RABGAP1L: variants seen among roughly 807,000 people sequenced by gnomAD.
RABGAP1L encodes the protein rab GTPase-activating protein 1-like.
Under a neutral mutation model 137.7 loss-of-function variants are expected in RABGAP1L, and 63 were observed. The ratio of observed to expected loss-of-function variants is 0.46; its 90% CI spans 0.37 to 0.56. The LOEUF (loss-of-function observed/expected upper bound fraction) is 0.56, where lower values mean the gene tolerates loss of function less well. RABGAP1L is among the 20% of genes least tolerant of loss of function. The probability of loss-of-function intolerance (pLI) is 0.00; values close to 1 mark genes in which losing one functional copy is unlikely to be tolerated. For synonymous variants in RABGAP1L, 431 were observed against 433.7 expected (o/e 0.99, Z 0.08); for missense variants, 1,095 against 1,244.0 (o/e 0.88, Z 1.80).
chr1:174,725,753 A>C (rs1681927569), intron 17 of RABGAP1L, among the ~76,000 whole-genome samples: 1 of 152,012 alleles, frequency 6.6e-6, no homozygotes, highest in Non-Finnish European at 1.5e-5. Context: ...GTTTTTATTT[A>C]GCATGCCTCT....
At chr1:174,256,565 G>A (rs547761966) in intron 7 of RABGAP1L, among the ~76,000 whole-genome samples, 2 of 152,164 alleles carry the variant, frequency 1.3e-5, no homozygotes, top group East Asian at 3.9e-4. Flanking sequence ...GGCAGATCAC[G>A]AGGTCAAGAG....
chr1:174,233,232 G>A (rs1489877069), intron 4 of RABGAP1L, among the ~76,000 whole-genome samples: 1 of 151,594 alleles, frequency 6.6e-6, no homozygotes, highest in South Asian at 2.1e-4. Flanking sequence ...AGATTTGTGT[G>A]TATGTGTGTA....
intron 17 of RABGAP1L, among the ~76,000 whole-genome samples, chr1:174,725,081 G>A (rs1572937569): frequency 6.6e-6 from 1 of 152,164 alleles, no homozygotes; most frequent in Non-Finnish European, 1.5e-5. Flanking sequence ...GCAGGAAAAA[G>A]CCATTGAAGA....
At position 174,811,918 on chromosome 1, in the gene RABGAP1L, G is replaced by A. The variant is rs1335988419; in HGVS notation, c.2298G>A (p.Glu766=). 3.1e-6 allele frequency: 5 copies of A among 1,607,158 alleles called. No individual in the cohort carries two copies. The highest frequency in any genetic ancestry group is 4.2e-6 in the Non-Finnish European group (5 of 1,176,504). The part of the protein sequence containing the change: ...RVQLPKRYRA[E]ENARRLMEQA... ...AGCTTCCAAAGAGATACAGGGCAGAGGAAAATGCAAGAAGACTGATGGAGC... is the reference window on the plus strand; with the variant it reads ...AGCTTCCAAAGAGATACAGGGCAGAAGAAAATGCAAGAAGACTGATGGAGC... The change falls in exon 19 of 26, where the codon GAG becomes GAA. Residue 766 remains glutamate (E), a synonymous_variant. Transcript: ENST00000681986.
intron 13 of RABGAP1L, among the ~76,000 whole-genome samples, chr1:174,475,950 T>G (rs1487330006): frequency 4.6e-5 from 7 of 151,962 alleles, no homozygotes; most frequent in African/African-American, 1.7e-4. Context: ...TATAACATTA[T>G]AACTTATTAT....
intron 19 of RABGAP1L, among the ~76,000 whole-genome samples, chr1:174,909,842 A>G (rs1241258023): frequency 6.6e-6 from 1 of 152,122 alleles, no homozygotes; most frequent in Non-Finnish European, 1.5e-5. Flanking sequence ...ACAAACCAAT[A>G]ACAAGTAGTG....
At chr1:174,388,157 T>C (rs1047705820) in intron 12 of RABGAP1L, among the ~76,000 whole-genome samples, 1 of 152,080 alleles carries the variant, frequency 6.6e-6, no homozygotes, top group African/African-American at 2.4e-5. Context: ...TGGGGAAATA[T>C]TTTTTAAAGT....
intron 18 of RABGAP1L, chr1:174,799,775 T>C (rs1573249777): frequency 3.5e-6 from 3 of 862,286 alleles, no homozygotes; most frequent in South Asian, 1.1e-4. Flanking sequence ...GCAGCAGCAG[T>C]AGCAGCAGCA....
chr1:174,682,105 AC>A (rs1678105050), intron 14 of RABGAP1L, among the ~76,000 whole-genome samples: 1 of 151,980 alleles, frequency 6.6e-6, no homozygotes, highest in Admixed American at 6.6e-5. Flanking sequence ...ACATGGTGAA[AC>A]CCTGTCTCTA....
At chr1:174,785,813 A>T (rs1687409605) in intron 18 of RABGAP1L, among the ~76,000 whole-genome samples, 1 of 152,204 alleles carries the variant, frequency 6.6e-6, no homozygotes, top group Non-Finnish European at 1.5e-5. Flanking sequence ...CTTTGCCTTA[A>T]ATACAGTAGA....
chr1:174,895,491 G>A (rs943582909), intron 19 of RABGAP1L, among the ~76,000 whole-genome samples: 1 of 149,288 alleles, frequency 6.7e-6, no homozygotes, highest in Non-Finnish European at 1.5e-5. Flanking sequence ...TGTGCACAAC[G>A]TGCAGGTTTG....
intron 20 of RABGAP1L, among the ~76,000 whole-genome samples, chr1:174,959,622 T>C (rs984906987): frequency 6.6e-6 from 1 of 152,214 alleles, no homozygotes; most frequent in Non-Finnish European, 1.5e-5. Flanking sequence ...TCAAGTATTG[T>C]TGATTCTTAT....
chr1:174,306,178 G>A (rs1424054085), intron 11 of RABGAP1L, among the ~76,000 whole-genome samples: 2 of 152,154 alleles, frequency 1.3e-5, no homozygotes, highest in Non-Finnish European at 2.9e-5. Flanking sequence ...TGGACATTTG[G>A]GTTGGTTCCA....
intron 19 of RABGAP1L, among the ~76,000 whole-genome samples, chr1:174,822,867 C>A (rs752253262): frequency 6.6e-6 from 1 of 152,202 alleles, no homozygotes; most frequent in Non-Finnish European, 1.5e-5. Flanking sequence ...TTTGTTTCTA[C>A]CCTGTACCTA....
In RABGAP1L at chr1:174,271,677, C is replaced by T. The variant is rs900889795; in HGVS notation, c.987-737C>T. On this transcript the variant is annotated intron_variant, in intron 7 of 25. Transcript: ENST00000681986. ...TAAAGTGGAGTTAATAATAGCCTAA[C>T]AAACATAAAAATCTTCGAGTTAGCT... 3.3e-5 allele frequency among the ~76,000 whole-genome samples: 5 copies of T among 152,094 alleles called. No individual in the cohort carries two copies. The South Asian group carries it at 1.0e-3, about 32-fold the overall frequency.
At chr1:174,411,359 G>A (rs1300839414) in intron 13 of RABGAP1L, among the ~76,000 whole-genome samples, 3 of 152,090 alleles carry the variant, frequency 2.0e-5, no homozygotes, top group Non-Finnish European at 4.4e-5. Context: ...TATGATGTTT[G>A]CTGTGGGTTT....
At chr1:174,376,918 T>G (rs1346572070) in intron 12 of RABGAP1L, among the ~76,000 whole-genome samples, 1 of 152,156 alleles carries the variant, frequency 6.6e-6, no homozygotes. Context: ...ACTGTCTCTA[T>G]TTGCAGAGAT....
In RABGAP1L at chr1:174,821,934, TATC is replaced by T. The variant is rs1401362410; in HGVS notation, c.2340+9977_2340+9979del. On this transcript the variant is annotated intron_variant, in intron 19 of 25. Coordinates refer to ENST00000681986, the MANE Select transcript of RABGAP1L (RefSeq NM_001366446.1). The stretch of plus-strand genomic sequence containing the variant: ...TCATAATCTTCTGCTGGAGAAATGT[TATC>T]ATGTTATAGGATACAGATGTGATAA... 2.0e-5 allele frequency among the ~76,000 whole-genome samples: 3 copies of T among 152,214 alleles called. No individual in the cohort carries two copies. The East Asian group carries it at 5.8e-4, about 29-fold the overall frequency.
chr1:174,586,601 A>G (rs915800941), intron 13 of RABGAP1L, among the ~76,000 whole-genome samples: 1 of 152,058 alleles, frequency 6.6e-6, no homozygotes, highest in Admixed American at 6.6e-5. Flanking sequence ...GTATGTATGT[A>G]TGTATTATTT....
Sources: gnomAD v4.1 joint callset for allele counts (sites outside exome capture counted in the v4.1 genomes callset) on GRCh38, gnomAD v4.1.1 for gene constraint, MANE v1.5 for transcripts, NCBI Gene and HGNC (gene_info 2026-07-23, HGNC 2026-07-21) for gene names.